ADGRB3: variants seen among roughly 807,000 people sequenced by gnomAD.
ADGRB3 encodes adhesion G protein-coupled receptor B3, also known as brain-specific angiogenesis inhibitor 3.
In ADGRB3, 37 loss-of-function variants were observed where a neutral mutation model predicts 193.4. The observed-to-expected ratio is 0.19, with a 90% CI of 0.15 to 0.25. ADGRB3 has a LOEUF of 0.25. ADGRB3 is among the 10% of genes least tolerant of loss of function. The probability of loss-of-function intolerance (pLI) is 1.00; values close to 1 mark genes in which losing one functional copy is unlikely to be tolerated. For synonymous variants in ADGRB3, 690 were observed against 644.2 expected, an observed-to-expected ratio of 1.07 and a Z score of -1.08; for missense variants, 1,637 against 1,852.9, an observed-to-expected ratio of 0.88 and a Z score of 2.14.
intron 17 of ADGRB3, among the ~76,000 whole-genome samples, chr6:69,193,067 T>G (rs1765227114): frequency 6.6e-6 from 1 of 152,148 alleles, no homozygotes; most frequent in South Asian, 2.1e-4. Flanking sequence ...CCTTTATCTA[T>G]ATTCCTTTTT....
At chr6:69,387,788 G>A (rs1770106429) in intron 31 of ADGRB3, among the ~76,000 whole-genome samples, 1 of 152,026 alleles carries the variant, frequency 6.6e-6, no homozygotes, top group South Asian at 2.1e-4. Flanking sequence ...AGTTTGGATA[G>A]TAATTCAAGT....
chr6:68,842,789 T>C (rs949171419), intron 3 of ADGRB3, among the ~76,000 whole-genome samples: 3 of 151,754 alleles, frequency 2.0e-5, no homozygotes, highest in African/African-American at 7.2e-5. Flanking sequence ...TCGCAAACAA[T>C]ACACTCAACA....
chr6:68,916,079 C>G (rs997159769), intron 3 of ADGRB3, among the ~76,000 whole-genome samples: 1 of 151,946 alleles, frequency 6.6e-6, no homozygotes, highest in Non-Finnish European at 1.5e-5. Context: ...TAGGAAAAAA[C>G]CACCTTAAAT....
chr6:69,352,964 A>C (rs765283677), intron 26 of ADGRB3, among the ~76,000 whole-genome samples: 1 of 152,208 alleles, frequency 6.6e-6, no homozygotes, highest in Non-Finnish European at 1.5e-5. Context: ...ATCCAATAAA[A>C]CAGAGTGTAA....
At chr6:68,910,330 C>A (rs139308532) in intron 3 of ADGRB3, among the ~76,000 whole-genome samples, 174 of 152,248 alleles carry the variant, frequency 1.1e-3, no homozygotes, top group African/African-American at 4.1e-3. Flanking sequence ...GAGTAGATTG[C>A]AAAAATGTTC....
At chr6:69,288,382 C>A (rs558561716) in intron 20 of ADGRB3, among the ~76,000 whole-genome samples, 15 of 152,192 alleles carry the variant, frequency 9.9e-5, no homozygotes, top group African/African-American at 3.6e-4. Context: ...TGAATTCATC[C>A]TTTTTTATGG....
chr6:69,116,266 A>G (rs913770357), intron 17 of ADGRB3, among the ~76,000 whole-genome samples: 1 of 152,210 alleles, frequency 6.6e-6, no homozygotes, highest in African/African-American at 2.4e-5. Context: ...AAACTCCTAT[A>G]CTACTGTTTG....
At chr6:69,104,364 A>T (rs1773151322) in intron 17 of ADGRB3, among the ~76,000 whole-genome samples, 1 of 150,820 alleles carries the variant, frequency 6.6e-6, no homozygotes. Context: ...AAGGACATGA[A>T]CTCATCGTTT....
chr6:69,379,363 G>A (rs1260498562), intron 30 of ADGRB3, among the ~76,000 whole-genome samples: 5 of 151,874 alleles, frequency 3.3e-5, no homozygotes, highest in Non-Finnish European at 7.4e-5. Context: ...AAACCCTAAT[G>A]TCACTAAACA....
chr6:68,999,775 T>G (rs1769512398), intron 11 of ADGRB3, among the ~76,000 whole-genome samples: 1 of 152,136 alleles, frequency 6.6e-6, no homozygotes, highest in Non-Finnish European at 1.5e-5. Flanking sequence ...TTCAGCAATA[T>G]TTTTTAAGCT....
At chr6:68,878,755 G>C (rs188788831) in intron 3 of ADGRB3, among the ~76,000 whole-genome samples, 5 of 152,238 alleles carry the variant, frequency 3.3e-5, no homozygotes, top group Non-Finnish European at 7.4e-5. Flanking sequence ...ACATACCTGA[G>C]ACTGGGCAAT....
intron 18 of ADGRB3, 109 bp downstream of exon 18, chr6:69,233,525 T>TG (rs1408309813): frequency 7.4e-7 from 1 of 1,348,134 alleles, no homozygotes; most frequent in Non-Finnish European, 9.7e-7. Context: ...TGTTGCAGGG[T>TG]ACAAAATTGG....
intron 3 of ADGRB3, among the ~76,000 whole-genome samples, chr6:68,720,822 A>T (rs1765562739): frequency 6.6e-6 from 1 of 151,782 alleles, no homozygotes. Context: ...ACAGGGTGGA[A>T]GGAAGTTGTT....
chr6:68,714,029 G>A (rs998362346), intron 3 of ADGRB3, among the ~76,000 whole-genome samples: 15 of 151,538 alleles, frequency 9.9e-5, no homozygotes, highest in Admixed American at 2.6e-4. Context: ...TTCATGAGAA[G>A]GACAGTAAAT....
chr6:69,259,335 A>C (rs904276029), intron 20 of ADGRB3, among the ~76,000 whole-genome samples: 2 of 152,140 alleles, frequency 1.3e-5, no homozygotes, highest in African/African-American at 4.8e-5. Flanking sequence ...CAGCCTTCCA[A>C]CTACATTTCT....
rs140693564 is a variant in ADGRB3 at position 68,788,611 on chromosome 6, C to T, written c.758-141948C>T. ...TTTTGGAGTAGGTGTGGTGTGGTGC[C>T]GAAAAGAATGTATATTCTGTTGATT... On this transcript the variant is annotated intron_variant, in intron 3 of 31. Coordinates refer to ENST00000370598, the MANE Select transcript of ADGRB3 (RefSeq NM_001704.3). Among the ~76,000 whole-genome samples the T allele has an allele frequency of 2.2e-3, 328 of 152,036 alleles. 3 individuals carry two copies. The highest frequency in any genetic ancestry group is 7.0e-3 in the African/African-American group (291 of 41,498).
chr6:69,215,638 T>C (rs1030195966), intron 17 of ADGRB3, among the ~76,000 whole-genome samples: 1 of 152,192 alleles, frequency 6.6e-6, no homozygotes, highest in Non-Finnish European at 1.5e-5. Context: ...AGATATAATG[T>C]AGCCTATCCC....
chr6:68,941,437 T>C (rs1291172021), intron 5 of ADGRB3, among the ~76,000 whole-genome samples: 1 of 152,196 alleles, frequency 6.6e-6, no homozygotes, highest in Non-Finnish European at 1.5e-5. Context: ...AGATTAATTT[T>C]CTGAAGATTC....
intron 10 of ADGRB3, among the ~76,000 whole-genome samples, chr6:68,992,112 C>T (rs762526337): frequency 3.9e-5 from 6 of 152,078 alleles, no homozygotes; most frequent in African/African-American, 1.4e-4. Flanking sequence ...CAGATAATCA[C>T]CATTCTCTGT....
Sources: gnomAD v4.1 joint callset for allele counts (sites outside exome capture counted in the v4.1 genomes callset) on GRCh38, gnomAD v4.1.1 for gene constraint, MANE v1.5 for transcripts, NCBI Gene and HGNC (gene_info 2026-07-23, HGNC 2026-07-21) for gene names.